Variants in MAST4 observed in about 807,000 individuals in gnomAD.
The protein encoded by MAST4 is microtubule-associated serine/threonine-protein kinase 4.
A neutral mutation model predicts 162.7 loss-of-function variants in MAST4; 89 were observed. The ratio of observed to expected loss-of-function variants is 0.55; its 90% CI spans 0.46 to 0.65. The LOEUF (loss-of-function observed/expected upper bound fraction) is 0.65. Ranked by LOEUF, MAST4 falls within the 30% of genes least tolerant of loss-of-function variation. The pLI is 0.00. For synonymous variants in MAST4, 1,479 were observed against 1,361.1 expected (o/e 1.09, Z -1.91); for missense variants, 3,153 against 3,374.0 (o/e 0.93, Z 1.62).
chr5:67,038,654 T>G (rs1304260098), intron 4 of MAST4, among the ~76,000 whole-genome samples: 1 of 152,212 alleles, frequency 6.6e-6, no homozygotes, highest in African/African-American at 2.4e-5. Context: ...ACCTCATGCT[T>G]ACCACTCATC....
intron 3 of MAST4, among the ~76,000 whole-genome samples, chr5:66,872,238 C>T (rs779708134): frequency 1.3e-5 from 2 of 152,198 alleles, no homozygotes; most frequent in East Asian, 1.9e-4. Flanking sequence ...GGCGTGATCT[C>T]GGCTCACTGC....
At position 66,908,156 on chromosome 5, in the gene MAST4, A is replaced by G. The variant is rs185389535; in HGVS notation, c.674+8174A>G. Among the ~76,000 whole-genome samples, 465 of 152,328 alleles carry G rather than the reference A, an allele frequency of 3.1e-3. 2 individuals are homozygous for G. Among genetic ancestry groups the G allele is most frequent in the African/African-American group, 9.9e-3 (411 of 41,568 alleles). On this transcript the variant is annotated intron_variant, in intron 4 of 28. Transcript: ENST00000403625. ...GATTTCAGACTGTGGAAGAATGTCA[A>G]TTGCATTTATGTATTCATCGAATAG...
At chr5:67,158,078 C>T (rs1242021464) in intron 26 of MAST4, among the ~76,000 whole-genome samples, 1 of 152,126 alleles carries the variant, frequency 6.6e-6, no homozygotes, top group Non-Finnish European at 1.5e-5. Context: ...CAGGAACTCG[C>T]CATGCTTGTT....
At chr5:66,660,342 C>T (rs946762886) in intron 1 of MAST4, among the ~76,000 whole-genome samples, 3 of 151,992 alleles carry the variant, frequency 2.0e-5, no homozygotes, top group African/African-American at 4.8e-5. Flanking sequence ...CAGCCGAGAT[C>T]GCGCCATAGC....
chr5:66,951,411 G>C (rs1744656801), intron 4 of MAST4, among the ~76,000 whole-genome samples: 1 of 151,996 alleles, frequency 6.6e-6, no homozygotes, highest in African/African-American at 2.4e-5. Context: ...TGTATCTCTT[G>C]AATCCCTCTT....
intron 4 of MAST4, among the ~76,000 whole-genome samples, chr5:67,030,426 AATC>A (rs1175290370): frequency 1.3e-5 from 2 of 152,156 alleles, no homozygotes; most frequent in Non-Finnish European, 2.9e-5. Context: ...AAAATGACAT[AATC>A]ATCATTTTGG....
chr5:66,895,078 G>A (rs1277794700), intron 3 of MAST4, among the ~76,000 whole-genome samples: 1 of 152,142 alleles, frequency 6.6e-6, no homozygotes, highest in Non-Finnish European at 1.5e-5. Context: ...TACTTTCTGG[G>A]TTTGATTTTT....
intron 19 of MAST4, among the ~76,000 whole-genome samples, chr5:67,139,152 A>G (rs1379634906): frequency 1.3e-5 from 2 of 152,224 alleles, no homozygotes; most frequent in African/African-American, 2.4e-5. Flanking sequence ...CCAGTCCAAC[A>G]TGACAGGTCC....
intron 24 of MAST4, among the ~76,000 whole-genome samples, chr5:67,151,141 T>C (rs1771758419): frequency 6.6e-6 from 1 of 152,232 alleles, no homozygotes; most frequent in Non-Finnish European, 1.5e-5. Flanking sequence ...AAGATCTGTT[T>C]AGATTCACGT....
rs187836280 is a variant in MAST4 at position 67,039,879 on chromosome 5, G to A, written c.675-14525G>A. Among the ~76,000 whole-genome samples, 25 of 152,050 alleles carry A rather than the reference G, an allele frequency of 1.6e-4. No homozygotes were observed. The East Asian group carries it at 3.9e-3, about 24-fold the overall frequency. On this transcript the variant is annotated intron_variant, in intron 4 of 28. Coordinates refer to ENST00000403625, the MANE Select transcript of MAST4 (RefSeq NM_001164664.2). The stretch of plus-strand genomic sequence containing the variant: ...TCTTGAAAGAATAAGTGCAACAGAA[G>A]AATCTACAATTTGGGGTTACAAGGC...
chr5:66,697,683 A>T (rs867308051), intron 1 of MAST4, among the ~76,000 whole-genome samples: 12 of 152,162 alleles, frequency 7.9e-5, no homozygotes, highest in Middle Eastern at 3.4e-3. Flanking sequence ...AAACAATGGC[A>T]CTCTTTCACC....
At chr5:66,985,045 G>C (rs1277812882) in intron 4 of MAST4, among the ~76,000 whole-genome samples, 1 of 152,200 alleles carries the variant, frequency 6.6e-6, no homozygotes, top group Non-Finnish European at 1.5e-5. Context: ...CAGGGGACTG[G>C]ATGAAGTCAA....
chr5:66,838,312 T>G lies in MAST4; in HGVS notation c.642+49518T>G, dbSNP rs561674573. 2.6e-5 allele frequency among the ~76,000 whole-genome samples: 4 copies of G among 152,244 alleles called. No homozygotes were observed. The South Asian group carries it at 8.3e-4, about 32-fold the overall frequency. On this transcript the variant is annotated intron_variant, in intron 3 of 28. Coordinates refer to ENST00000403625, the MANE Select transcript of MAST4 (RefSeq NM_001164664.2). ...TTTGAGCTCTCAAAACATTGGCTAT[T>G]TTATTTAGATTGTGAATGTATGTGC... is the stretch of plus-strand genomic sequence containing the variant.
chr5:66,695,233 T>C (rs903215484), intron 1 of MAST4, among the ~76,000 whole-genome samples: 1 of 152,204 alleles, frequency 6.6e-6, no homozygotes, highest in Non-Finnish European at 1.5e-5. Flanking sequence ...TTTCTGCATA[T>C]GGCTAGCCAG....
chr5:67,157,849 C>T (rs1043735412), intron 26 of MAST4, among the ~76,000 whole-genome samples: 18 of 152,278 alleles, frequency 1.2e-4, no homozygotes, highest in African/African-American at 4.1e-4. Context: ...ACAAACAACG[C>T]TTACGACTTG....
In MAST4 at chr5:66,848,207, T is replaced by C. The variant is rs574954870; in HGVS notation, c.643-51744T>C. Among the ~76,000 whole-genome samples, 296 of 152,326 alleles carry C rather than the reference T, an allele frequency of 1.9e-3. 1 individual carries two copies. Among genetic ancestry groups the C allele is most frequent in the Non-Finnish European group, 3.4e-3 (228 of 68,032 alleles). ...TCAAAGTAAATTTAGTGTATCCCCTTTCTAAAATGTCTTGCTTTTTTTCTT... is the reference window on the plus strand; with the variant it reads ...TCAAAGTAAATTTAGTGTATCCCCTCTCTAAAATGTCTTGCTTTTTTTCTT... On this transcript the variant is annotated intron_variant, in intron 3 of 28. Coordinates refer to ENST00000403625, the MANE Select transcript of MAST4 (RefSeq NM_001164664.2).
intron 25 of MAST4, 43 bp from the exon 26 acceptor site, chr5:67,153,415 G>A (rs1167013060): frequency 1.3e-6 from 2 of 1,576,696 alleles, no homozygotes; most frequent in Non-Finnish European, 1.7e-6. Context: ...TGTTAGAGTA[G>A]TCATTTGTTT....
intron 4 of MAST4, among the ~76,000 whole-genome samples, chr5:66,925,660 C>G (rs1013359550): frequency 2.0e-5 from 3 of 152,092 alleles, no homozygotes; most frequent in African/African-American, 7.2e-5. Context: ...ATATGCTGTC[C>G]TGCTGGAGTG....
rs74771948 is a variant in MAST4, at chr5:66,785,584, A to G, written c.518-3086A>G. Among the ~76,000 whole-genome samples the G allele has an allele frequency of 6.2e-3, 941 of 152,276 alleles. 8 individuals carry two copies. The highest frequency in any genetic ancestry group is 0.022 in the African/African-American group (903 of 41,568). On this transcript the variant is annotated intron_variant, in intron 2 of 28. Coordinates refer to ENST00000403625, the MANE Select transcript of MAST4 (RefSeq NM_001164664.2). Reference sequence around the variant, plus strand: ...CATACGATTGTTAGGATGTTGCAGTACCTGGTATATAATAAGGCCTCAATG... The same window carrying G: ...CATACGATTGTTAGGATGTTGCAGTGCCTGGTATATAATAAGGCCTCAATG...
Sources: gnomAD v4.1 joint callset for allele counts (sites outside exome capture counted in the v4.1 genomes callset) on GRCh38, gnomAD v4.1.1 for gene constraint, MANE v1.5 for transcripts, NCBI Gene and HGNC (gene_info 2026-07-23, HGNC 2026-07-21) for gene names.